KANSL1: variants seen among roughly 807,000 people sequenced by gnomAD.
KANSL1 encodes MLL1/MLL complex subunit KANSL1.
Under a neutral mutation model 103.6 loss-of-function variants are expected in KANSL1, and 22 were observed. The ratio of observed to expected loss-of-function variants is 0.21; its 90% confidence interval spans 0.15 to 0.30. KANSL1 has a LOEUF of 0.30. Among genes scored for constraint, KANSL1 ranks in the 10% least tolerant of loss-of-function variants. The pLI is 1.00. For missense variants in KANSL1, 1,337 were observed against 1,399.8 expected, an observed-to-expected ratio of 0.96 and a Z score of 0.72; for synonymous variants, 600 against 527.6, an observed-to-expected ratio of 1.14 and a Z score of -1.88.
intron 2 of KANSL1, among the ~76,000 whole-genome samples, chr17:46,112,962 C>T (rs929115200): frequency 2.0e-5 from 3 of 152,110 alleles, no homozygotes; most frequent in Admixed American, 1.3e-4. Context: ...CTCAGGTGAC[C>T]CGCCCACCTT....
intron 1 of KANSL1, among the ~76,000 whole-genome samples, chr17:46,209,155 G>A (rs550546634): frequency 6.6e-6 from 1 of 151,984 alleles, no homozygotes; most frequent in Admixed American, 6.6e-5. Flanking sequence ...TTGCACTCCA[G>A]CCTGAGTGAC....
chr17:46,031,700 C>G lies in KANSL1; in HGVS notation c.3094G>C (p.Val1032Leu), dbSNP rs767917046. The G allele has an allele frequency of 2.5e-6, 4 of 1,600,716 alleles. No homozygotes were observed. In the Admixed American group the frequency reaches 6.7e-5, roughly 27 times the overall value. Reference protein sequence around the residue: ...TPELGLDEQSVQPWERRTFPL... With the variant: ...TPELGLDEQSLQPWERRTFPL... ...AAGGTCCGCCGCTCCCAGGGCTGGA[C>G]AGACTGTAGGCAGACAAGTTGCTCT... Residue 1032 changes from valine (V) to leucine (L), a missense_variant, in exon 15 of 15, where the codon GTC (valine) becomes CTC (leucine). Val to Leu is a conservative substitution (Grantham distance 32). This residue lies in a region of KANSL1 where 780 missense variants were observed against 923.4 expected (regional missense o/e 0.84). Coordinates refer to ENST00000432791, the MANE Select transcript of KANSL1 (RefSeq NM_015443.4).
chr17:46,219,250 T>TAAAA (rs66536813), intron 1 of KANSL1, among the ~76,000 whole-genome samples: 25,945 of 134,138 alleles, frequency 0.19, 2,838 homozygotes, highest in East Asian at 0.43. Context: ...TCTTGTCTCA[T>TAAAA]AAAAAAAAAA....
At chr17:46,123,649 T>A (rs866204169) in intron 2 of KANSL1, among the ~76,000 whole-genome samples, 7 of 152,202 alleles carry the variant, frequency 4.6e-5, no homozygotes, top group African/African-American at 1.4e-4. Flanking sequence ...ACTGAAAGCC[T>A]AATCCAGAAC....
chr17:46,078,937 G>C (rs865891784), intron 4 of KANSL1, among the ~76,000 whole-genome samples: 2 of 152,190 alleles, frequency 1.3e-5, no homozygotes, highest in Non-Finnish European at 2.9e-5. Context: ...CTTATCGGCA[G>C]CTACCAAGCT....
chr17:46,124,070 C>T (rs1326853301), intron 2 of KANSL1, among the ~76,000 whole-genome samples: 1 of 152,118 alleles, frequency 6.6e-6, no homozygotes, highest in Non-Finnish European at 1.5e-5. Flanking sequence ...GGCCAATGCT[C>T]CTTGACCATT....
chr17:46,191,904 C>A (rs978755545), intron 1 of KANSL1, among the ~76,000 whole-genome samples: 4 of 148,878 alleles, frequency 2.7e-5, no homozygotes, highest in African/African-American at 9.9e-5. Flanking sequence ...ACCCTAGGAG[C>A]ACTAAACTCC....
intron 1 of KANSL1, among the ~76,000 whole-genome samples, chr17:46,188,405 T>C (rs542281583): frequency 1.3e-5 from 2 of 152,200 alleles, no homozygotes; most frequent in African/African-American, 4.8e-5. Flanking sequence ...ACGCAACTTA[T>C]CAGCATAGAA....
intron 1 of KANSL1, among the ~76,000 whole-genome samples, chr17:46,188,900 G>C (rs530499470): frequency 2.0e-5 from 3 of 151,860 alleles, no homozygotes; most frequent in Non-Finnish European, 2.9e-5. Flanking sequence ...AGGCGTGGTG[G>C]TGGGCACCTG....
intron 8 of KANSL1, 130 bp downstream of exon 8, chr17:46,039,572 T>G: frequency 2.6e-5 from 25 of 970,096 alleles, no homozygotes; most frequent in Non-Finnish European, 3.5e-5. Flanking sequence ...GCAGTCACTG[T>G]GAGCTGAATT....
At chr17:46,211,903 T>C (rs1171163442) in intron 1 of KANSL1, among the ~76,000 whole-genome samples, 1 of 152,222 alleles carries the variant, frequency 6.6e-6, no homozygotes, top group East Asian at 1.9e-4. Flanking sequence ...AGGATAGAAG[T>C]GCTATCAGAC....
At position 46,082,214 on chromosome 17, in the gene KANSL1, T is replaced by C. The variant is rs578153792; in HGVS notation, c.1533+227A>G. ...CCTTACTTGCTCTGGCTGTAGTGTTTTGAGAATTGGAGCTGCTTTTAATCC... is the reference window on the plus strand; with the variant it reads ...CCTTACTTGCTCTGGCTGTAGTGTTCTGAGAATTGGAGCTGCTTTTAATCC... On this transcript the variant is annotated intron_variant, in intron 4 of 14. Coordinates refer to ENST00000432791, the MANE Select transcript of KANSL1 (RefSeq NM_015443.4). 1.1e-4 allele frequency among the ~76,000 whole-genome samples: 16 copies of C among 152,314 alleles called. No individual in the cohort carries two copies. In the South Asian group the frequency reaches 2.9e-3, roughly 28 times the overall value.
intron 1 of KANSL1, among the ~76,000 whole-genome samples, chr17:46,189,906 C>CAAAAAAAAAAAAAAA (rs55934305): frequency 1.2e-4 from 13 of 112,450 alleles, no homozygotes; most frequent in African/African-American, 4.7e-4. Context: ...GACCCTGCCT[C>CAAAAAAAAAAAAAAA]AAAAAAAAAA....
At chr17:46,181,877 T>C (rs373993164) in intron 1 of KANSL1, among the ~76,000 whole-genome samples, 3 of 152,036 alleles carry the variant, frequency 2.0e-5, no homozygotes, top group South Asian at 2.1e-4. Context: ...GGAAGGTCCT[T>C]CTTCTACTTT....
chr17:46,045,870 T>C (rs1249610170), intron 7 of KANSL1: 1 of 152,292 alleles, frequency 6.6e-6, no homozygotes, highest in African/African-American at 2.4e-5. Flanking sequence ...GGTAATGCTG[T>C]TGACAAAGAA....
chr17:46,084,149 C>T (rs1052691819), intron 3 of KANSL1, among the ~76,000 whole-genome samples: 4 of 113,144 alleles, frequency 3.5e-5, no homozygotes, highest in African/African-American at 5.3e-5. Flanking sequence ...GAAGCTGAGG[C>T]GGGTGGATCA....
chr17:46,199,899 A>T (rs2532229), intron 1 of KANSL1, among the ~76,000 whole-genome samples: 1 of 152,158 alleles, frequency 6.6e-6, no homozygotes, highest in Non-Finnish European at 1.5e-5. Context: ...GCCATCAGCT[A>T]TTGTTAAAAT....
chr17:46,110,372 A>G (rs1256280207), intron 2 of KANSL1, among the ~76,000 whole-genome samples: 1 of 152,244 alleles, frequency 6.6e-6, no homozygotes, highest in East Asian at 1.9e-4. Context: ...CACATTACAG[A>G]TATTAATTCA....
Position 46,031,395 on chromosome 17 carries a change from G to A in KANSL1, c.*81C>T. Reference sequence around the variant, plus strand: ...AAAACTGTGAAAATTTCCGGCATATGATGTTTGAATATCAAACGCAGAGAT... The same window carrying A: ...AAAACTGTGAAAATTTCCGGCATATAATGTTTGAATATCAAACGCAGAGAT... On this transcript the variant is annotated 3_prime_UTR_variant, in exon 15 of 15. Coordinates refer to ENST00000432791, the MANE Select transcript of KANSL1 (RefSeq NM_015443.4). The A allele has an allele frequency of 7.8e-7, 1 of 1,279,898 alleles. No individual in the cohort carries two copies. Among genetic ancestry groups the A allele is most frequent in the South Asian group, 1.5e-5 (1 of 67,080 alleles). 79.3% of individuals were successfully genotyped at this position (1,279,898 alleles called of 1,614,324 possible). A position where few individuals can be genotyped will look rare whatever the true frequency, so the allele number is the denominator to read the frequency against.
Sources: allele counts gnomAD v4.1 joint callset (sites outside exome capture counted in the v4.1 genomes callset), GRCh38; gene constraint gnomAD v4.1.1; regional missense constraint gnomAD v4.1.1; transcripts MANE v1.5; gene names NCBI Gene and HGNC (gene_info 2026-07-23, HGNC 2026-07-21).